The following PTPRM variants were observed in gnomAD, a reference collection of about 807,000 sequenced individuals.
PTPRM encodes the protein receptor-type tyrosine-protein phosphatase mu.
Under a neutral mutation model 186.7 loss-of-function variants are expected in PTPRM, and 47 were observed. The observed-to-expected ratio is 0.25, with a 90% CI of 0.20 to 0.32. PTPRM has a LOEUF of 0.32. PTPRM is among the 10% of genes least tolerant of loss of function. The probability of loss-of-function intolerance (pLI) is 1.00; values close to 1 mark genes in which losing one functional copy is unlikely to be tolerated. For missense variants in PTPRM, 1,494 were observed against 1,865.0 expected, an observed-to-expected ratio of 0.80 and a Z score of 3.66; for synonymous variants, 668 against 674.9, an observed-to-expected ratio of 0.99 and a Z score of 0.16.
At chr18:8,367,797 A>T (rs1210919041) in intron 23 of PTPRM, among the ~76,000 whole-genome samples, 7 of 152,244 alleles carry the variant, frequency 4.6e-5, no homozygotes, top group Non-Finnish European at 1.0e-4. Flanking sequence ...ATTTCTGAGC[A>T]CTGAAGCACT....
chr18:8,083,719 G>C (rs917189524), intron 9 of PTPRM, among the ~76,000 whole-genome samples: 1 of 152,114 alleles, frequency 6.6e-6, no homozygotes, highest in African/African-American at 2.4e-5. Flanking sequence ...TTCAATCAAT[G>C]TTTGAATAAA....
intron 7 of PTPRM, among the ~76,000 whole-genome samples, chr18:7,993,797 T>C (rs193089900): frequency 6.6e-6 from 1 of 152,110 alleles, no homozygotes; most frequent in Non-Finnish European, 1.5e-5. Flanking sequence ...ATATAACTTA[T>C]TGAAAGAGCA....
At chr18:7,739,733 C>T (rs892818869) in intron 1 of PTPRM, among the ~76,000 whole-genome samples, 2 of 152,098 alleles carry the variant, frequency 1.3e-5, no homozygotes, top group African/African-American at 4.8e-5. Context: ...TAGACAGTCT[C>T]CTTGCCTTTG....
At chr18:8,363,074 C>G (rs1394043635) in intron 23 of PTPRM, among the ~76,000 whole-genome samples, 1 of 152,230 alleles carries the variant, frequency 6.6e-6, no homozygotes, top group Non-Finnish European at 1.5e-5. Context: ...TTGTCATGCG[C>G]TTTCAGGGCT....
At chr18:7,706,768 C>G (rs2040103625) in intron 1 of PTPRM, among the ~76,000 whole-genome samples, 1 of 151,954 alleles carries the variant, frequency 6.6e-6, no homozygotes, top group Non-Finnish European at 1.5e-5. Flanking sequence ...AAGAAAGTTG[C>G]TTCTACCTGT....
chr18:7,588,507 G>A lies in PTPRM; in HGVS notation c.73+20616G>A, dbSNP rs370473915. On this transcript the variant is annotated intron_variant, in intron 1 of 32. Coordinates refer to ENST00000580170, the MANE Select transcript of PTPRM (RefSeq NM_001105244.2). ...ATCTAACTAAATCTCATTTTTGTGA[G>A]TTTTTATTGTATAATTAGAAAAATT... is the stretch of plus-strand genomic sequence containing the variant. Among the ~76,000 whole-genome samples the A allele has an allele frequency of 2.0e-5, 3 of 152,080 alleles. No individual in the cohort carries two copies. In the East Asian group the frequency reaches 5.8e-4, roughly 29 times the overall value.
At chr18:7,774,935 G>A (rs777756232) in intron 2 of PTPRM, among the ~76,000 whole-genome samples, 3 of 152,100 alleles carry the variant, frequency 2.0e-5, no homozygotes, top group Non-Finnish European at 2.9e-5. Flanking sequence ...CTATGACATT[G>A]GACATCCCTT....
intron 26 of PTPRM, chr18:8,377,255 TGAAGAA>T (rs372515460): frequency 6.6e-6 from 1 of 152,192 alleles, no homozygotes; most frequent in African/African-American, 2.4e-5. Flanking sequence ...TGAAGTGAAG[TGAAGAA>T]GAAGTAAGAA....
At chr18:8,115,083 C>CT (rs2091904443) in intron 13 of PTPRM, among the ~76,000 whole-genome samples, 1 of 151,952 alleles carries the variant, frequency 6.6e-6, no homozygotes, top group African/African-American at 2.4e-5. Context: ...CAATAGTTAC[C>CT]TTTTTCAGAT....
intron 1 of PTPRM, among the ~76,000 whole-genome samples, chr18:7,740,574 G>A (rs980339108): frequency 3.3e-5 from 5 of 152,144 alleles, no homozygotes; most frequent in South Asian, 4.2e-4. Context: ...ATGTGCCGCC[G>A]CTCCTGGCTA....
At chr18:8,307,302 T>C (rs1485564396) in intron 20 of PTPRM, among the ~76,000 whole-genome samples, 1 of 152,236 alleles carries the variant, frequency 6.6e-6, no homozygotes, top group Non-Finnish European at 1.5e-5. Flanking sequence ...AATCATGTGA[T>C]GATCAGCCTG....
chr18:8,166,790 A>C lies in PTPRM; in HGVS notation c.2300+23011A>C, dbSNP rs145806572. ...AGCAAACTAAGTTGCTTAAAGTTGC[A>C]TGGTCAGTAAGCAACTGAACCAAGG... On this transcript the variant is annotated intron_variant, in intron 14 of 32. Transcript: ENST00000580170. Among the ~76,000 whole-genome samples the C allele has an allele frequency of 3.9e-5, 6 of 152,342 alleles. No individual in the cohort carries two copies. In the East Asian group the frequency reaches 1.2e-3, roughly 29 times the overall value.
intron 1 of PTPRM, among the ~76,000 whole-genome samples, chr18:7,655,993 A>T (rs2038837102): frequency 6.6e-6 from 1 of 152,240 alleles, no homozygotes; most frequent in Non-Finnish European, 1.5e-5. Context: ...AAATGGTTCA[A>T]CCACTGTGGA....
intron 1 of PTPRM, among the ~76,000 whole-genome samples, chr18:7,763,190 G>T (rs1330209925): frequency 2.6e-5 from 4 of 152,190 alleles, no homozygotes; most frequent in Non-Finnish European, 5.9e-5. Flanking sequence ...TGGTGATTTG[G>T]ATTTTGGACA....
chr18:8,143,150 A>T (rs1439589579), intron 13 of PTPRM, among the ~76,000 whole-genome samples: 1 of 152,214 alleles, frequency 6.6e-6, no homozygotes, highest in Non-Finnish European at 1.5e-5. Flanking sequence ...GTTAAAAAAC[A>T]ATTGCTGGTA....
chr18:7,652,653 AC>A (rs901842984), intron 1 of PTPRM, among the ~76,000 whole-genome samples: 1 of 150,940 alleles, frequency 6.6e-6, no homozygotes, highest in African/African-American at 2.4e-5. Flanking sequence ...TATCGCAAGA[AC>A]AAAAAACCAA....
chr18:7,678,781 A>G (rs893291857), intron 1 of PTPRM, among the ~76,000 whole-genome samples: 20 of 152,240 alleles, frequency 1.3e-4, no homozygotes, highest in Non-Finnish European at 2.5e-4. Flanking sequence ...ATAATATTCT[A>G]TAGATGGATA....
At chr18:8,232,262 T>C (rs1424758967) in intron 14 of PTPRM, among the ~76,000 whole-genome samples, 1 of 152,268 alleles carries the variant, frequency 6.6e-6, no homozygotes, top group Non-Finnish European at 1.5e-5. Context: ...TTAAGTTTCC[T>C]CCATGCCTGT....
intron 7 of PTPRM, among the ~76,000 whole-genome samples, chr18:7,976,156 A>T (rs2054921294): frequency 6.6e-6 from 1 of 152,306 alleles, no homozygotes; most frequent in Non-Finnish European, 1.5e-5. Flanking sequence ...AGACAGAGGG[A>T]GACTCCGTCT....
Sources: allele counts gnomAD v4.1 joint callset (sites outside exome capture counted in the v4.1 genomes callset), GRCh38; gene constraint gnomAD v4.1.1; transcripts MANE v1.5; gene names NCBI Gene and HGNC (gene_info 2026-07-23, HGNC 2026-07-21).